The following SHROOM4 variants were observed in gnomAD, a reference collection of about 807,000 sequenced individuals.
SHROOM4 encodes shroom family member 4, also known as protein Shroom4.
SHROOM4 carries 17 observed loss-of-function variants against 80.3 expected under a neutral mutation model. The ratio of observed to expected loss-of-function variants is 0.21; its 90% CI spans 0.14 to 0.32. The LOEUF (loss-of-function observed/expected upper bound fraction) is 0.32. Among genes scored for constraint, SHROOM4 ranks in the 10% least tolerant of loss-of-function variants. SHROOM4 has a pLI of 1.00. For synonymous variants in SHROOM4, 400 were observed against 437.5 expected, an observed-to-expected ratio of 0.91 and a Z score of 1.07; for missense variants, 993 against 1,140.3, an observed-to-expected ratio of 0.87 and a Z score of 1.86.
intron 1 of SHROOM4, among the ~76,000 whole-genome samples, chrX:50,751,459 A>C (rs1235729317): frequency 1.8e-5 from 2 of 111,991 alleles, no homozygotes; most frequent in Non-Finnish European, 3.8e-5. Context: ...TTAGCTAAGG[A>C]GCTAATGACA....
In SHROOM4 at chrX:50,634,849, A is replaced by T. The variant is rs1931261921; in HGVS notation, c.1224T>A (p.His408Gln). ...RPPHLIGPTG[H>Q]RHSAPEQLLA... The stretch of plus-strand genomic sequence containing the variant: ...GCAGCTGTTCAGGGGCACTATGGCG[A>T]TGCCCTGTGGGTCCTATGAGATGTG... The change falls in exon 4 of 9, where the codon CAT (histidine) becomes CAA (glutamine). Residue 408 changes from histidine (H) to glutamine (Q), a missense_variant. Transcript: ENST00000376020. 3 of 1,208,212 alleles carry T rather than the reference A, an allele frequency of 2.5e-6. No individual in the cohort carries two copies. In the East Asian group the frequency reaches 8.9e-5, roughly 36 times the overall value.
intron 2 of SHROOM4, among the ~76,000 whole-genome samples, chrX:50,667,119 T>C (rs1366917012): frequency 9.0e-6 from 1 of 111,273 alleles, no homozygotes; most frequent in Non-Finnish European, 1.9e-5. Flanking sequence ...GAAACTGGCC[T>C]GATGTCCAAA....
rs1290224707 is a variant in SHROOM4, at chrX:50,635,288, T to C, written c.785A>G (p.Tyr262Cys). 2.5e-6 allele frequency: 3 copies of C among 1,199,785 alleles called. No homozygotes were observed. The Admixed American group carries it at 6.7e-5, about 27-fold the overall frequency. ...SQMSSRPQEG[Y>C]QSGPAKAVRG... is the part of the protein sequence containing the mutation. The stretch of plus-strand genomic sequence containing the variant: ...GACTGCTTTGGCGGGCCCTGACTGG[T>C]ATCCCTCCTGTGGACGGGATGACAT... Residue 262 changes from tyrosine (Y) to cysteine (C), a missense_variant, in exon 4 of 9, where the codon TAC (tyrosine) becomes TGC (cysteine). Transcript: ENST00000376020.
rs1929092932 is a variant in SHROOM4 at position 50,595,990 on chromosome X, CAA to C, written c.*703_*704del. On this transcript the variant is annotated 3_prime_UTR_variant, in exon 9 of 9. Coordinates refer to ENST00000376020, the MANE Select transcript of SHROOM4 (RefSeq NM_020717.5). ...CCAGCAATGTAAAGGAAAGATGAAA[CAA>C]GAGGTGGTAGGACCAAAGTCTTAGG... 1 of 328,817 alleles carries C rather than the reference CAA, an allele frequency of 3.0e-6. No homozygotes were observed. Among genetic ancestry groups the C allele is most frequent in the Non-Finnish European group, 5.9e-6 (1 of 169,882 alleles). The allele number at this position is 328,817 out of a possible 1,213,427, so 27.1% of individuals were successfully genotyped here.
At chrX:50,804,473 T>C (rs1936187143) in intron 1 of SHROOM4, among the ~76,000 whole-genome samples, 2 of 112,213 alleles carry the variant, frequency 1.8e-5, no homozygotes, top group African/African-American at 6.5e-5. Flanking sequence ...CCTCCGTCTG[T>C]CCCCCAACCT....
In SHROOM4 at chrX:50,654,318, A is replaced by C. The variant is rs181743417; in HGVS notation, c.270-16010T>G. On this transcript the variant is annotated intron_variant, in intron 2 of 8. Transcript: ENST00000376020. ...GCTTTTGTCTGGTTCCACAATGTTC[A>C]CATAAGCCCTTGGGAAATTTCTCTT... Among the ~76,000 whole-genome samples the C allele has an allele frequency of 5.4e-5, 6 of 111,469 alleles. No homozygotes were observed. The East Asian group carries it at 1.7e-3, about 31-fold the overall frequency.
chrX:50,647,125 G>A (rs1434100645), intron 2 of SHROOM4, among the ~76,000 whole-genome samples: 2 of 111,382 alleles, frequency 1.8e-5, no homozygotes, highest in Non-Finnish European at 3.8e-5. Context: ...GCAGTACTCG[G>A]GATTCTCTTT....
chrX:50,590,507 C>T lies in SHROOM4; in HGVS notation c.*6188G>A, dbSNP rs782289269. On this transcript the variant is annotated 3_prime_UTR_variant, in exon 9 of 9. Transcript: ENST00000376020. The stretch of plus-strand genomic sequence containing the variant: ...CCTCCTGATCCGCCCGCCACGGCCT[C>T]CCAAAGTGCTGGGATTACAGGCGTG... Among the ~76,000 whole-genome samples, 2 of 111,152 alleles carry T rather than the reference C, an allele frequency of 1.8e-5. No homozygotes were observed. Among genetic ancestry groups the T allele is most frequent in the East Asian group, 5.7e-4 (2 of 3,501 alleles).
At position 50,593,069 on chromosome X, in the gene SHROOM4, G is replaced by C. The variant is rs944959074; in HGVS notation, c.*3626C>G. 4 of 111,897 alleles carry C rather than the reference G, an allele frequency of 3.6e-5. No homozygotes were observed. The East Asian group carries it at 1.1e-3, about 31-fold the overall frequency. 9.2% of individuals were successfully genotyped at this position (111,897 alleles called of 1,213,427 possible). ...AACTCTGTACCCCCTACTCAGGATG[G>C]TCTTGAAATAGATGTCTAAAAGCTG... is the stretch of plus-strand genomic sequence containing the variant. On this transcript the variant is annotated 3_prime_UTR_variant, in exon 9 of 9. Transcript: ENST00000376020.
chrX:50,760,497 C>A (rs1280678023), intron 1 of SHROOM4, among the ~76,000 whole-genome samples: 1 of 109,420 alleles, frequency 9.1e-6, no homozygotes, highest in Non-Finnish European at 1.9e-5. Flanking sequence ...ATCACCATGT[C>A]TAGCTAATTT....
the SHROOM4 span, among the ~76,000 whole-genome samples, chrX:50,576,472 T>G: frequency 8.9e-6 from 1 of 111,889 alleles, no homozygotes; most frequent in Non-Finnish European, 1.9e-5. Flanking sequence ...GCTTCTTGTG[T>G]TATGTCATAG....
intron 4 of SHROOM4, among the ~76,000 whole-genome samples, chrX:50,632,835 T>C (rs868945426): frequency 8.9e-6 from 1 of 112,143 alleles, no homozygotes; most frequent in African/African-American, 3.2e-5. Flanking sequence ...CTGGCTATTT[T>C]ATGACAGAAA....
At chrX:50,812,317 T>TAAAA (rs34184946) in intron 1 of SHROOM4, among the ~76,000 whole-genome samples, 2 of 66,790 alleles carry the variant, frequency 3.0e-5, no homozygotes, top group Non-Finnish European at 5.4e-5. Context: ...GTGTTTTTGT[T>TAAAA]AAAAAAAAAA....
Position 50,633,715 on chromosome X carries a change from T to A in SHROOM4, c.2358A>T (p.Thr786=). Residue 786 remains threonine (T), a synonymous_variant, in exon 4 of 9, where the codon ACA becomes ACT. Coordinates refer to ENST00000376020, the MANE Select transcript of SHROOM4 (RefSeq NM_020717.5). The part of the protein sequence containing the change: ...FFEESSKSLS[T]SHLPGLTTHS... ...GAGTGGTTAAACCTGGCAAATGAGA[T>A]GTAGATAAGGATTTGCTACTCTCTT... is the stretch of plus-strand genomic sequence containing the variant. The A allele has an allele frequency of 8.3e-7, 1 of 1,211,969 alleles. No homozygotes were observed. The highest frequency in any genetic ancestry group is 1.8e-5 in the South Asian group (1 of 56,994).
intron 1 of SHROOM4, among the ~76,000 whole-genome samples, chrX:50,780,779 T>G (rs894851418): frequency 1.8e-5 from 2 of 111,737 alleles, no homozygotes; most frequent in South Asian, 3.8e-4. Context: ...AATCCAAAAC[T>G]CCCAACAGAG....
intron 5 of SHROOM4, among the ~76,000 whole-genome samples, chrX:50,615,415 C>T (rs1569546558): frequency 9.0e-6 from 1 of 110,886 alleles, no homozygotes; most frequent in Non-Finnish European, 1.9e-5. Flanking sequence ...AGGAAGCCTT[C>T]CCTGATTCCC....
At chrX:50,584,995 A>G (rs782472659), downstream of SHROOM4, among the ~76,000 whole-genome samples, 2 of 111,257 alleles carry the variant, frequency 1.8e-5, no homozygotes, top group Admixed American at 9.6e-5. Context: ...GCATACAGCA[A>G]GAAGAGAAGA....
intron 1 of SHROOM4, among the ~76,000 whole-genome samples, chrX:50,739,541 G>A (rs1440637008): frequency 5.1e-4 from 57 of 111,191 alleles, no homozygotes; most frequent in Middle Eastern, 4.7e-3. Context: ...AGACATTTCT[G>A]AAAAGAAGAC....
intron 2 of SHROOM4, among the ~76,000 whole-genome samples, chrX:50,654,131 G>T (rs1932219199): frequency 8.9e-6 from 1 of 111,841 alleles, no homozygotes; most frequent in African/African-American, 3.3e-5. Flanking sequence ...TGCTTAAAAA[G>T]TATTTAGGTT....
Sources: allele counts gnomAD v4.1 joint callset (sites outside exome capture counted in the v4.1 genomes callset), GRCh38; gene constraint gnomAD v4.1.1; transcripts MANE v1.5; gene names NCBI Gene and HGNC (gene_info 2026-07-23, HGNC 2026-07-21).